The following IL7 variants were observed in gnomAD, a reference collection of about 807,000 sequenced individuals.
IL7 encodes the protein interleukin 7.
Under a neutral mutation model 21.6 loss-of-function variants are expected in IL7, and 3 were observed. The ratio of observed to expected loss-of-function variants is 0.14; its 90% CI spans 0.06 to 0.36. The LOEUF (loss-of-function observed/expected upper bound fraction) is 0.36, where lower values mean the gene tolerates loss of function less well. IL7 is among the 10% of genes least tolerant of loss of function. The pLI is 1.00. For synonymous variants in IL7, 62 were observed against 68.1 expected (o/e 0.91, Z 0.44); for missense variants, 175 against 200.2 (o/e 0.87, Z 0.76).
intron 2 of IL7, among the ~76,000 whole-genome samples, chr8:78,758,864 T>C (rs1812443576): frequency 6.6e-6 from 1 of 152,102 alleles, no homozygotes; most frequent in Non-Finnish European, 1.5e-5. Context: ...TAGTAGATAT[T>C]TTAGCTTTCT....
intron 2 of IL7, chr8:78,761,935 T>G: frequency 6.2e-7 from 1 of 1,611,218 alleles, no homozygotes; most frequent in South Asian, 1.1e-5. Context: ...ATTTGAGGTA[T>G]TCTTTGTTTT....
chr8:78,710,128 T>G (rs2717540), intron 3 of IL7, among the ~76,000 whole-genome samples: 3 of 151,962 alleles, frequency 2.0e-5, no homozygotes, highest in African/African-American at 7.3e-5. Context: ...TGAAGGCCTG[T>G]GAAAGTATTA....
intron 2 of IL7, among the ~76,000 whole-genome samples, chr8:78,765,840 T>A (rs956250370): frequency 6.6e-6 from 1 of 152,054 alleles, no homozygotes; most frequent in South Asian, 2.1e-4. Flanking sequence ...CCCAAAGAAT[T>A]TGAAAATTTG....
chr8:78,728,014 A>G (rs961300079), downstream of IL7, among the ~76,000 whole-genome samples: 2 of 152,032 alleles, frequency 1.3e-5, no homozygotes, highest in African/African-American at 4.8e-5. Flanking sequence ...ACCATTTGTA[A>G]AAGCACACAT....
chr8:78,764,720 A>T lies in IL7; in HGVS notation c.148-24638T>A, dbSNP rs561051760. ...TGGAGAGATATTCCAGGTCATGGGT[A>T]GAAAGACTCAATATTGTCATGATGT... is the stretch of plus-strand genomic sequence containing the variant. On this transcript the variant is annotated intron_variant, in intron 2 of 5. Coordinates refer to ENST00000263851, the MANE Select transcript of IL7 (RefSeq NM_000880.4). 2.0e-5 allele frequency among the ~76,000 whole-genome samples: 3 copies of T among 152,270 alleles called. No individual in the cohort carries two copies. The East Asian group carries it at 5.8e-4, about 29-fold the overall frequency.
chr8:78,731,021 C>T (rs755335801), downstream of IL7, among the ~76,000 whole-genome samples: 38 of 151,692 alleles, frequency 2.5e-4, no homozygotes, highest in Non-Finnish European at 3.2e-4. Context: ...GAAGATTGCC[C>T]GTACAGAACA....
At chr8:78,712,376 T>G (rs1263198036) in intron 3 of IL7, among the ~76,000 whole-genome samples, 3 of 152,112 alleles carry the variant, frequency 2.0e-5, no homozygotes, top group Non-Finnish European at 4.4e-5. Flanking sequence ...CATTTAATAA[T>G]TATTTTTATG....
chr8:78,744,310 C>T (rs982765675), intron 2 of IL7, among the ~76,000 whole-genome samples: 5 of 152,030 alleles, frequency 3.3e-5, no homozygotes, highest in African/African-American at 1.2e-4. Context: ...GTTGGGAGGT[C>T]CTGCCCAATA....
chr8:78,687,901 A>G lies in IL7; in HGVS notation n.215-1954T>C, dbSNP rs1443613292. On this transcript the variant is annotated intron_variant and non_coding_transcript_variant, in intron 3 of 4. Coordinates refer to the IL7 transcript ENST00000523959. The stretch of plus-strand genomic sequence containing the variant: ...TATATATTTATATAATAAATTATAT[A>G]TATTTATATAAATATATAATTATTT... 1.5e-4 allele frequency among the ~76,000 whole-genome samples: 9 copies of G among 58,614 alleles called. No individual in the cohort carries two copies. The East Asian group carries it at 8.6e-3, about 56-fold the overall frequency. The allele number at this position is 58,614 out of a possible 152,430, so 38.5% of individuals were successfully genotyped here.
intron 2 of IL7, among the ~76,000 whole-genome samples, chr8:78,790,882 A>C (rs934191905): frequency 6.6e-6 from 1 of 152,038 alleles, no homozygotes; most frequent in Non-Finnish European, 1.5e-5. Flanking sequence ...TACGAAAATG[A>C]TGGTCCCAAA....
chr8:78,694,121 A>C (rs866028196), intron 3 of IL7, among the ~76,000 whole-genome samples: 1 of 151,878 alleles, frequency 6.6e-6, no homozygotes, highest in Non-Finnish European at 1.5e-5. Context: ...AATTTCTTGC[A>C]GTTGGCTGGC....
At chr8:78,746,876 A>G (rs1811996189) in intron 2 of IL7, 1 of 353,310 alleles carries the variant, frequency 2.8e-6, no homozygotes, top group South Asian at 2.2e-5. Context: ...ATGAAATGAA[A>G]CAGCTGTTCA....
chr8:78,732,032 A>G (rs1170081677), downstream of IL7, among the ~76,000 whole-genome samples: 1 of 152,088 alleles, frequency 6.6e-6, no homozygotes, highest in Non-Finnish European at 1.5e-5. Context: ...TTAGAAATGT[A>G]AATTCCCTCA....
At chr8:78,753,548 T>C (rs1056372032) in intron 2 of IL7, among the ~76,000 whole-genome samples, 21 of 152,216 alleles carry the variant, frequency 1.4e-4, no homozygotes, top group Non-Finnish European at 2.9e-4. Context: ...TGATTATAGT[T>C]TCTTTTGCTG....
chr8:78,755,668 T>C (rs1317896772), intron 2 of IL7, among the ~76,000 whole-genome samples: 1 of 152,084 alleles, frequency 6.6e-6, no homozygotes, highest in East Asian at 1.9e-4. Flanking sequence ...CTACTGATTC[T>C]CGTATGTTAA....
At chr8:78,723,261 C>A (rs920404324) in intron 3 of IL7, among the ~76,000 whole-genome samples, 1 of 151,650 alleles carries the variant, frequency 6.6e-6, no homozygotes, top group Non-Finnish European at 1.5e-5. Context: ...TTATGTTTGT[C>A]GACTCTTTTA....
intron 4 of IL7, among the ~76,000 whole-genome samples, chr8:78,684,714 A>G (rs890638364): frequency 1.3e-5 from 2 of 152,348 alleles, no homozygotes; most frequent in Non-Finnish European, 2.9e-5. Flanking sequence ...TACTCAGCAA[A>G]CAGGCTCTTG....
intron 2 of IL7, among the ~76,000 whole-genome samples, chr8:78,786,170 C>T (rs899429275): frequency 3.9e-5 from 6 of 152,094 alleles, no homozygotes; most frequent in South Asian, 2.1e-4. Context: ...ATTTCATCAT[C>T]GCACAAACAT....
intron 1 of IL7, among the ~76,000 whole-genome samples, chr8:78,801,499 T>A (rs371599238): frequency 1.3e-5 from 2 of 152,112 alleles, no homozygotes; most frequent in Non-Finnish European, 2.9e-5. Flanking sequence ...AAGGCTGCCA[T>A]GAGCCATGAT....
Sources: allele counts gnomAD v4.1 joint callset (sites outside exome capture counted in the v4.1 genomes callset), GRCh38; gene constraint gnomAD v4.1.1; transcripts MANE v1.5; gene names NCBI Gene and HGNC (gene_info 2026-07-23, HGNC 2026-07-21).